The following IL4R variants were observed in gnomAD, a reference collection of about 807,000 sequenced individuals.
IL4R encodes the protein interleukin-4 receptor subunit alpha.
A neutral mutation model predicts 41.5 loss-of-function variants in IL4R; 17 were observed. The observed-to-expected ratio is 0.41, with a 90% CI of 0.28 to 0.61. The LOEUF is 0.61. Among genes scored for constraint, IL4R ranks in the 20% least tolerant of loss-of-function variants. The pLI, the probability that IL4R is intolerant of heterozygous loss-of-function variation, is 0.31. For synonymous variants in IL4R, 402 were observed against 422.9 expected (o/e 0.95, Z 0.61); for missense variants, 974 against 1,043.1 (o/e 0.93, Z 0.91).
rs1286984292 is a variant in IL4R, at chr16:27,363,418, T to A, written c.2066T>A (p.Met689Lys). 2 of 1,614,116 alleles carry A rather than the reference T, an allele frequency of 1.2e-6. No homozygotes were observed. The highest frequency in any genetic ancestry group is 1.1e-5 in the South Asian group (1 of 91,084). ...GAGCCGGGGGAAAAGGTAGAGGACATGCCAAAGCCCCCACTTCCCCAGGAG... is the reference window on the plus strand; with the variant it reads ...GAGCCGGGGGAAAAGGTAGAGGACAAGCCAAAGCCCCCACTTCCCCAGGAG... ...GLEPGEKVED[M>K]PKPPLPQEQA... The change falls in exon 11 of 11, where the codon ATG becomes AAG. Residue 689 changes from methionine (M) to lysine (K), a missense_variant. By Grantham distance (95) the Met-to-Lys change is moderately conservative. Around this residue, in one of 3 missense-constraint regions of IL4R, gnomAD observed 682 missense variants for 704.3 expected, o/e 0.97. Transcript: ENST00000395762.
At chr16:27,358,266 TC>T (rs1224084743) in intron 8 of IL4R, among the ~76,000 whole-genome samples, 1 of 152,270 alleles carries the variant, frequency 6.6e-6, no homozygotes, top group Non-Finnish European at 1.5e-5. Context: ...AAGGCAGGCA[TC>T]TTTGTCTCGT....
chr16:27,322,223 G>A (rs1274299094), intron 1 of IL4R, among the ~76,000 whole-genome samples: 3 of 151,758 alleles, frequency 2.0e-5, no homozygotes. Context: ...TTGAAGCTAT[G>A]TTGTTAAGTG....
At position 27,364,165 on chromosome 16, in the gene IL4R, G is replaced by T. The variant is rs1333211187; in HGVS notation, c.*335G>T. On this transcript the variant is annotated 3_prime_UTR_variant, in exon 11 of 11. Transcript: ENST00000395762. ...TGCTCCCTCCACAGCTTCTGCAGCA[G>T]ACTGTCCCTGTTGTAACTGCCCAAG... 3.7e-6 allele frequency: 1 copy of T among 273,222 alleles called. No individual in the cohort carries two copies. Among genetic ancestry groups the T allele is most frequent in the East Asian group, 7.3e-5 (1 of 13,788 alleles). The allele number at this position is 273,222 out of a possible 1,614,324, so 16.9% of individuals were successfully genotyped here. A position where few individuals can be genotyped will look rare whatever the true frequency, so the allele number is the denominator to read the frequency against.
At chr16:27,357,891 C>T (rs906640871) in intron 8 of IL4R, among the ~76,000 whole-genome samples, 5 of 148,758 alleles carry the variant, frequency 3.4e-5, no homozygotes, top group Non-Finnish European at 7.4e-5. Context: ...GCATTTCTTT[C>T]GTTTTTTTTT....
In IL4R at chr16:27,363,601, A is replaced by C; in HGVS notation, c.2249A>C (p.Asp750Ala). The C allele has an allele frequency of 6.2e-7, 1 of 1,613,904 alleles. No homozygotes were observed. The highest frequency in any genetic ancestry group is 1.3e-5 in the African/African-American group (1 of 74,996). Residue 750 changes from aspartate (D) to alanine (A), a missense_variant, in exon 11 of 11, where the codon GAC becomes GCC. Asp to Ala is a moderately radical substitution (Grantham distance 126). Around this residue, in one of 3 missense-constraint regions of IL4R, gnomAD observed 682 missense variants for 704.3 expected, o/e 0.97. Coordinates refer to ENST00000395762, the MANE Select transcript of IL4R (RefSeq NM_000418.4). ...ASPCCGCCCGDRSSPPTTPLR... is the reference protein window; with the variant it reads ...ASPCCGCCCGARSSPPTTPLR... ...CCTTGCTGTGGCTGCTGCTGTGGAGACAGGTCCTCGCCCCCTACAACCCCC... is the reference window on the plus strand; with the variant it reads ...CCTTGCTGTGGCTGCTGCTGTGGAGCCAGGTCCTCGCCCCCTACAACCCCC...
chr16:27,363,318 G>A lies in IL4R; in HGVS notation c.1966G>A (p.Gly656Arg), dbSNP rs1274955884. 1 of 1,612,566 alleles carries A rather than the reference G, an allele frequency of 6.2e-7. No homozygotes were observed. The highest frequency in any genetic ancestry group is 2.2e-5 in the East Asian group (1 of 44,876). The stretch of plus-strand genomic sequence containing the variant: ...AGTCCCTGTCCCCTTGTTCACCTTT[G>A]GACTGGACAGGGAGCCACCTCGCAG... ...APVPVPLFTF[G>R]LDREPPRSPQ... The change falls in exon 11 of 11, where the codon GGA (glycine) becomes AGA (arginine). Residue 656 changes from glycine to arginine, a missense_variant. Gly to Arg is a moderately radical substitution (Grantham distance 125). This residue lies in a region of IL4R where 682 missense variants were observed against 704.3 expected (regional missense o/e 0.97). Coordinates refer to ENST00000395762, the MANE Select transcript of IL4R (RefSeq NM_000418.4).
At chr16:27,351,411 CG>C (rs757703147) in intron 6 of IL4R, among the ~76,000 whole-genome samples, 1 of 151,884 alleles carries the variant, frequency 6.6e-6, no homozygotes, top group Non-Finnish European at 1.5e-5. Flanking sequence ...TGCCCACACT[CG>C]AGAAGACCAG....
intron 9 of IL4R, chr16:27,359,669 G>T (rs2086213142): frequency 2.5e-6 from 1 of 399,198 alleles, no homozygotes; most frequent in Admixed American, 2.5e-5. Context: ...ACTTGAGCAA[G>T]TTGCTTAATT....
chr16:27,315,426 C>A (rs535938543), intron 1 of IL4R: 1 of 152,508 alleles, frequency 6.6e-6, no homozygotes, highest in Non-Finnish European at 1.5e-5. Context: ...TCAAGGAGCA[C>A]CCCCTCTGCA....
At chr16:27,322,896 A>T (rs2084854653) in intron 1 of IL4R, among the ~76,000 whole-genome samples, 1 of 151,956 alleles carries the variant, frequency 6.6e-6, no homozygotes, top group East Asian at 1.9e-4. Context: ...AGATGAGGAG[A>T]CTGAGGCTCT....
At chr16:27,328,336 T>C (rs968476549) in intron 1 of IL4R, among the ~76,000 whole-genome samples, 6 of 151,356 alleles carry the variant, frequency 4.0e-5, no homozygotes, top group Non-Finnish European at 7.4e-5. Context: ...CTCTGCCTCT[T>C]GGGTTCAAGC....
intron 6 of IL4R, among the ~76,000 whole-genome samples, chr16:27,350,072 G>C (rs559008973): frequency 6.6e-6 from 1 of 152,150 alleles, no homozygotes; most frequent in Non-Finnish European, 1.5e-5. Flanking sequence ...TTTGCACCCA[G>C]TATTTGAACT....
At chr16:27,362,229 C>T (rs1235132410) in intron 10 of IL4R, 23 bp from the exon 11 acceptor site, 1 of 1,608,482 alleles carries the variant, frequency 6.2e-7, no homozygotes, top group Non-Finnish European at 8.5e-7. Flanking sequence ...AAACTGAACC[C>T]TGACCAACCT....
chr16:27,337,575 CTTTTTTTT>C (rs533237354), intron 2 of IL4R, among the ~76,000 whole-genome samples: 1 of 142,328 alleles, frequency 7.0e-6, no homozygotes, highest in South Asian at 2.2e-4. Context: ...TTTTCTTTTT[CTTTTTTTT>C]TTTTTTCTCT....
chr16:27,362,820 G>C lies in IL4R; in HGVS notation c.1468G>C (p.Val490Leu). 2 of 1,614,110 alleles carry C rather than the reference G, an allele frequency of 1.2e-6. No individual in the cohort carries two copies. Among genetic ancestry groups the C allele is most frequent in the South Asian group, 1.1e-5 (1 of 91,090 alleles). ...CCTGACTTGCACAGAGACGCCCCTC[G>C]TCATCGCAGGCAACCCTGCTTACCG... ...DNLTCTETPL[V>L]IAGNPAYRSF... The change falls in exon 11 of 11, where the codon GTC becomes CTC. Residue 490 changes from valine to leucine, a missense_variant. This residue lies in a region of IL4R where 682 missense variants were observed against 704.3 expected (regional missense o/e 0.97). Transcript: ENST00000395762.
upstream of IL4R, chr16:27,313,847 G>C: frequency 1.0e-5 from 9 of 886,892 alleles, no homozygotes; most frequent in Non-Finnish European, 1.2e-5. Flanking sequence ...GGCGCGCCGG[G>C]CGGGGCGGCG....
chr16:27,331,125 G>C (rs1421957167), intron 2 of IL4R, among the ~76,000 whole-genome samples: 1 of 152,106 alleles, frequency 6.6e-6, no homozygotes, highest in Non-Finnish European at 1.5e-5. Flanking sequence ...TAGAGGACAG[G>C]CCTTTGACCT....
In IL4R at chr16:27,352,531, C is replaced by T; in HGVS notation, c.514-9C>T. 5 of 1,613,316 alleles carry T rather than the reference C, an allele frequency of 3.1e-6. No homozygotes were observed. Among genetic ancestry groups the T allele is most frequent in the Non-Finnish European group, 4.2e-6 (5 of 1,179,390 alleles). ...GCTGGTGCCCTAACATCTCCCTTTT[C>T]TCTACCAGTTCAGAATCTATAACGT... On this transcript the variant is annotated splice_polypyrimidine_tract_variant and intron_variant, in intron 6 of 10. Coordinates refer to ENST00000395762, the MANE Select transcript of IL4R (RefSeq NM_000418.4).
chr16:27,346,710 G>A (rs56350482), intron 6 of IL4R, 92 bp downstream of exon 6: 2 of 1,417,026 alleles, frequency 1.4e-6, no homozygotes, highest in Non-Finnish European at 2.0e-6. Flanking sequence ...AGGAGCCTGG[G>A]AGGCAAGCCC....
Sources: gnomAD v4.1 joint callset for allele counts (sites outside exome capture counted in the v4.1 genomes callset) on GRCh38, gnomAD v4.1.1 for gene constraint, gnomAD v4.1.1 regional missense constraint, MANE v1.5 for transcripts, NCBI Gene and HGNC (gene_info 2026-07-23, HGNC 2026-07-21) for gene names.